LRMDA: variants seen among roughly 807,000 people sequenced by gnomAD.
LRMDA encodes leucine rich melanocyte differentiation associated, also known as leucine-rich melanocyte differentiation-associated protein.
Under a neutral mutation model 29.8 loss-of-function variants are expected in LRMDA, and 18 were observed. The observed-to-expected ratio is 0.60, with a 90% CI of 0.42 to 0.90. LRMDA has a LOEUF of 0.90. Ranked by LOEUF, LRMDA falls within the 40% of genes least tolerant of loss-of-function variation. LRMDA has a pLI of 0.00. For synonymous variants in LRMDA, 125 were observed against 109.4 expected (o/e 1.14, Z -0.89); for missense variants, 273 against 273.9 (o/e 1.00, Z 0.02).
chr10:75,883,059 A>G (rs1020572187), intron 2 of LRMDA, among the ~76,000 whole-genome samples: 1 of 152,152 alleles, frequency 6.6e-6, no homozygotes, highest in African/African-American at 2.4e-5. Context: ...CTCATGCACA[A>G]TCCCCCAGGT....
At chr10:75,470,801 G>A (rs1268286024) in intron 2 of LRMDA, among the ~76,000 whole-genome samples, 1 of 152,188 alleles carries the variant, frequency 6.6e-6, no homozygotes, top group Non-Finnish European at 1.5e-5. Flanking sequence ...CGAGGAGAAG[G>A]GCCGCTTACT....
chr10:76,446,668 A>G (rs1469844167), intron 6 of LRMDA, among the ~76,000 whole-genome samples: 3 of 152,214 alleles, frequency 2.0e-5, no homozygotes, highest in African/African-American at 4.8e-5. Flanking sequence ...AAAGTGAGCT[A>G]TGTAATTGTG....
At chr10:75,899,117 A>G (rs976147052) in intron 2 of LRMDA, among the ~76,000 whole-genome samples, 1 of 152,194 alleles carries the variant, frequency 6.6e-6, no homozygotes, top group Admixed American at 6.5e-5. Context: ...CTTCTCGCTT[A>G]TAGTAAAATA....
intron 6 of LRMDA, among the ~76,000 whole-genome samples, chr10:76,345,083 T>C (rs1325380096): frequency 6.9e-6 from 1 of 144,370 alleles, no homozygotes; most frequent in Non-Finnish European, 1.5e-5. Context: ...TTTTTTTTTT[T>C]TGAGACGGAG....
intron 2 of LRMDA, chr10:75,450,719 G>T (rs951564974): frequency 3.3e-5 from 5 of 152,166 alleles, no homozygotes; most frequent in African/African-American, 1.2e-4. Flanking sequence ...TCAGTGTGAG[G>T]GGCTGTTATT....
At chr10:76,441,897 C>A (rs1396791875) in intron 6 of LRMDA, among the ~76,000 whole-genome samples, 1 of 152,166 alleles carries the variant, frequency 6.6e-6, no homozygotes, top group Non-Finnish European at 1.5e-5. Flanking sequence ...TCTGTGGCAC[C>A]GTGCTCACTG....
At chr10:76,130,945 G>T (rs1212653513) in intron 5 of LRMDA, among the ~76,000 whole-genome samples, 1 of 152,180 alleles carries the variant, frequency 6.6e-6, no homozygotes, top group Non-Finnish European at 1.5e-5. Context: ...TTACAGGTGT[G>T]AGCCACCATG....
Position 75,688,227 on chromosome 10 carries a change from A to AG in LRMDA, c.131+249733_131+249734insG, listed in dbSNP as rs1371139982. Reference sequence around the variant, plus strand: ...TAGTGATTTCTCTGATGGATCTGTCAAAGTAAATTGAAAACCTTCTGGAAA... The same window carrying AG: ...TAGTGATTTCTCTGATGGATCTGTCAGAAGTAAATTGAAAACCTTCTGGAAA... On this transcript the variant is annotated intron_variant, in intron 2 of 6. Coordinates refer to ENST00000611255, the MANE Select transcript of LRMDA (RefSeq NM_001305581.2). Among the ~76,000 whole-genome samples the AG allele has an allele frequency of 3.0e-4, 46 of 152,362 alleles. No individual in the cohort carries two copies. In the East Asian group the frequency reaches 8.1e-3, roughly 27 times the overall value.
At chr10:76,419,253 C>G (rs377723624) in intron 6 of LRMDA, among the ~76,000 whole-genome samples, 1 of 152,058 alleles carries the variant, frequency 6.6e-6, no homozygotes, top group Non-Finnish European at 1.5e-5. Flanking sequence ...TCCCTCCCTC[C>G]TAACTATTCC....
Position 75,909,514 on chromosome 10 carries a change from AT to A in LRMDA, c.132-126483del, listed in dbSNP as rs372404593. On this transcript the variant is annotated intron_variant, in intron 2 of 6. Transcript: ENST00000611255. ...AGATAGACTGTTCTTGCACTGATGTATTTTTTTTTTTATTCTGTAAGTTGTG... is the reference window on the plus strand; with the variant it reads ...AGATAGACTGTTCTTGCACTGATGTATTTTTTTTTTATTCTGTAAGTTGTG... Among the ~76,000 whole-genome samples, 892 of 146,388 alleles carry A rather than the reference AT, an allele frequency of 6.1e-3. 7 individuals are homozygous for A. Among genetic ancestry groups the A allele is most frequent in the African/African-American group, 0.02 (788 of 40,158 alleles).
At chr10:75,905,569 T>TA (rs1329584209) in intron 2 of LRMDA, among the ~76,000 whole-genome samples, 3 of 152,002 alleles carry the variant, frequency 2.0e-5, no homozygotes, top group African/African-American at 7.2e-5. Flanking sequence ...GTCAAAATGT[T>TA]AAAAAAGACT....
chr10:75,648,398 A>G (rs1054975475), intron 2 of LRMDA, among the ~76,000 whole-genome samples: 5 of 152,184 alleles, frequency 3.3e-5, no homozygotes, highest in African/African-American at 7.2e-5. Flanking sequence ...AGAATCAAAG[A>G]AAACCCGGGA....
chr10:76,535,685 T>C (rs986976288), intron 6 of LRMDA: 1 of 152,218 alleles, frequency 6.6e-6, no homozygotes, highest in Non-Finnish European at 1.5e-5. Context: ...ATATATTCTC[T>C]ACCTCAGTTC....
At chr10:76,028,817 C>G (rs1035303653) in intron 2 of LRMDA, among the ~76,000 whole-genome samples, 1 of 148,490 alleles carries the variant, frequency 6.7e-6, no homozygotes, top group Non-Finnish European at 1.5e-5. Context: ...TTATTCAAAG[C>G]CTTTTTTTTT....
chr10:76,136,032 C>A (rs1027390819), intron 5 of LRMDA, among the ~76,000 whole-genome samples: 1 of 152,074 alleles, frequency 6.6e-6, no homozygotes, highest in Non-Finnish European at 1.5e-5. Context: ...AAGCAGGAGT[C>A]GTGTCATGTC....
At chr10:76,160,453 T>G (rs1850625058) in intron 5 of LRMDA, among the ~76,000 whole-genome samples, 1 of 152,064 alleles carries the variant, frequency 6.6e-6, no homozygotes, top group East Asian at 1.9e-4. Context: ...TTTTTTTTCT[T>G]AGAGGTACCT....
chr10:76,480,699 G>A (rs559869976), intron 6 of LRMDA, among the ~76,000 whole-genome samples: 2 of 151,908 alleles, frequency 1.3e-5, no homozygotes, highest in African/African-American at 2.4e-5. Flanking sequence ...CTTCTTCAAT[G>A]GAAATAACTT....
chr10:76,545,160 T>TC (rs1347500391), intron 6 of LRMDA, among the ~76,000 whole-genome samples: 1 of 110,830 alleles, frequency 9.0e-6, no homozygotes, highest in African/African-American at 3.8e-5. Context: ...GAAAGGTTTC[T>TC]TTTTTTTTGT....
chr10:76,520,326 A>C (rs1307365197), intron 6 of LRMDA, among the ~76,000 whole-genome samples: 1 of 151,746 alleles, frequency 6.6e-6, no homozygotes, highest in Non-Finnish European at 1.5e-5. Flanking sequence ...GATCATGATA[A>C]TTCTTATTAC....
Sources: gnomAD v4.1 joint callset for allele counts (sites outside exome capture counted in the v4.1 genomes callset) on GRCh38, gnomAD v4.1.1 for gene constraint, MANE v1.5 for transcripts, NCBI Gene and HGNC (gene_info 2026-07-23, HGNC 2026-07-21) for gene names.